Variants in GSR observed in about 807,000 individuals in gnomAD.
GSR encodes glutathione reductase, mitochondrial.
GSR carries 48 observed loss-of-function variants against 56.5 expected under a neutral mutation model. The observed-to-expected ratio is 0.85, with a 90% CI of 0.67 to 1.08. The LOEUF (loss-of-function observed/expected upper bound fraction) is 1.08, where lower values mean the gene tolerates loss of function less well. Ranked by LOEUF, GSR falls within the 50% of genes least tolerant of loss-of-function variation. The pLI is 0.00. For missense variants in GSR, 694 were observed against 703.3 expected (o/e 0.99, Z 0.15); for synonymous variants, 264 against 270.8 (o/e 0.97, Z 0.25).
In GSR at chr8:30,709,906, T is replaced by TTAA; in HGVS notation, c.334-5_334-4insTTA. 8 of 999,694 alleles carry TTAA rather than the reference T, an allele frequency of 8.0e-6. No individual in the cohort carries two copies. The highest frequency in any genetic ancestry group is 2.2e-4 in the Middle Eastern group (1 of 4,606). 61.9% of individuals were successfully genotyped at this position (999,694 alleles called of 1,614,324 possible). A position where few individuals can be genotyped will look rare whatever the true frequency, so the allele number is the denominator to read the frequency against. On this transcript the variant is annotated splice_region_variant and splice_polypyrimidine_tract_variant and intron_variant, in intron 2 of 12. Coordinates refer to ENST00000221130, the MANE Select transcript of GSR (RefSeq NM_000637.5). ...GGACAGCTGTGTTCCACATTACCTG[T>TTAA]AAAAAAAAAAAAAAAAAAGGATCCA... is the stretch of plus-strand genomic sequence containing the variant.
At chr8:30,717,114 G>A (rs933087538) in intron 1 of GSR, among the ~76,000 whole-genome samples, 2 of 152,090 alleles carry the variant, frequency 1.3e-5, no homozygotes, top group African/African-American at 4.8e-5. Flanking sequence ...GCACATGCCT[G>A]TAATCCCAGC....
At chr8:30,707,462 G>A (rs982101314) in intron 4 of GSR, among the ~76,000 whole-genome samples, 15 of 152,134 alleles carry the variant, frequency 9.9e-5, no homozygotes, top group African/African-American at 3.6e-4. Flanking sequence ...GGAGTTTAAA[G>A]ACCAGCCTAG....
chr8:30,688,638 C>G (rs537293394), intron 9 of GSR, among the ~76,000 whole-genome samples: 1 of 149,006 alleles, frequency 6.7e-6, no homozygotes, highest in African/African-American at 2.5e-5. Flanking sequence ...ACGTGGCGGC[C>G]TTTTTCTGGG....
At chr8:30,721,647 C>T (rs778640063) in intron 1 of GSR, among the ~76,000 whole-genome samples, 1 of 111,952 alleles carries the variant, frequency 8.9e-6, no homozygotes, top group African/African-American at 2.7e-5. Flanking sequence ...AGTGAGACTT[C>T]GTGTCAAGAA....
In GSR at chr8:30,718,089, G is replaced by C. The variant is rs188509518; in HGVS notation, c.307-6001C>G. On this transcript the variant is annotated intron_variant, in intron 1 of 12. Coordinates refer to ENST00000221130, the MANE Select transcript of GSR (RefSeq NM_000637.5). ...GCACTCCAGCCTGGGCAACAAGAGT[G>C]AAATTCTGTCTCAAAAAAATAAAAA... 3.3e-4 allele frequency among the ~76,000 whole-genome samples: 49 copies of C among 148,994 alleles called. No homozygotes were observed. The Admixed American group carries it at 3.4e-3, about 10-fold the overall frequency.
chr8:30,694,772 T>A (rs1441930319), intron 7 of GSR, among the ~76,000 whole-genome samples: 1 of 151,756 alleles, frequency 6.6e-6, no homozygotes, highest in Non-Finnish European at 1.5e-5. Context: ...GGTGGCATGT[T>A]CCTGTAGTCC....
In GSR at chr8:30,709,921, A is replaced by AT; in HGVS notation, c.334-20_334-19insA. ...ACATTACCTGTAAAAAAAAAAAAAAAAAAGGATCCAAAACAGCAGTAAATC... is the reference window on the plus strand; with the variant it reads ...ACATTACCTGTAAAAAAAAAAAAAAATAAAGGATCCAAAACAGCAGTAAATC... On this transcript the variant is annotated intron_variant, in intron 2 of 12. Transcript: ENST00000221130. 1.4e-6 allele frequency: 2 copies of AT among 1,400,542 alleles called. No homozygotes were observed. Among genetic ancestry groups the AT allele is most frequent in the African/African-American group, 1.4e-5 (1 of 70,734 alleles). The allele number at this position is 1,400,542 out of a possible 1,614,324, so 86.8% of individuals were successfully genotyped here. A position where few individuals can be genotyped will look rare whatever the true frequency, so the allele number is the denominator to read the frequency against.
At position 30,692,495 on chromosome 8, in the gene GSR, C is replaced by CTTTT. The variant is rs71206280; in HGVS notation, c.882+470_882+473dup. On this transcript the variant is annotated intron_variant, in intron 8 of 12. Transcript: ENST00000221130. ...ACAGGTGTGAGCCACCACACCCAGA[C>CTTTT]TTTTTTTTTTTTTTTTTTTTTTTGA... Among the ~76,000 whole-genome samples the CTTTT allele has an allele frequency of 2.9e-3, 173 of 59,054 alleles. 6 individuals are homozygous for CTTTT. Among genetic ancestry groups the CTTTT allele is most frequent in the Middle Eastern group, 0.026 (1 of 38 alleles). The allele number at this position is 59,054 out of a possible 152,430, so 38.7% of individuals were successfully genotyped here.
At position 30,703,094 on chromosome 8, in the gene GSR, G is replaced by A. The variant is rs200066399; in HGVS notation, c.639C>T (p.Pro213=). ...MPSTPHESQI[P]GASLGITSDG... ...ATGAGTACCTGTTGTATGACTCACC[G>A]GGGATCTGGCTCTCATGAGGGGTGG... Residue 213 remains proline (P), a splice_region_variant and synonymous_variant, in exon 5 of 13, where the codon CCC becomes CCT. Transcript: ENST00000221130. 82 of 1,613,716 alleles carry A rather than the reference G, an allele frequency of 5.1e-5. No individual in the cohort carries two copies. The highest frequency in any genetic ancestry group is 6.3e-5 in the Non-Finnish European group (74 of 1,179,840).
intron 9 of GSR, among the ~76,000 whole-genome samples, chr8:30,686,321 T>C (rs1803159377): frequency 6.6e-6 from 1 of 152,128 alleles, no homozygotes; most frequent in Non-Finnish European, 1.5e-5. Flanking sequence ...ATCACTCAAT[T>C]TGCATTATAT....
At chr8:30,686,013 A>T (rs1198464233) in intron 9 of GSR, among the ~76,000 whole-genome samples, 1 of 143,038 alleles carries the variant, frequency 7.0e-6, no homozygotes, top group Non-Finnish European at 1.5e-5. Flanking sequence ...AAAAAAAAAA[A>T]GAGTACAACC....
intron 10 of GSR, among the ~76,000 whole-genome samples, chr8:30,682,310 C>T (rs1022652171): frequency 2.6e-5 from 4 of 152,150 alleles, no homozygotes; most frequent in African/African-American, 9.7e-5. Context: ...TCCAGAAATT[C>T]AAAATCCAAA....
chr8:30,715,669 T>C (rs557441210), intron 1 of GSR, among the ~76,000 whole-genome samples: 42 of 152,264 alleles, frequency 2.8e-4, no homozygotes, highest in African/African-American at 9.1e-4. Context: ...CAAAAGCAAT[T>C]TTCCCAAAGG....
intron 4 of GSR, among the ~76,000 whole-genome samples, chr8:30,705,549 A>G (rs1048096889): frequency 1.3e-5 from 2 of 152,086 alleles, no homozygotes; most frequent in Non-Finnish European, 2.9e-5. Flanking sequence ...GGTGTGAGCC[A>G]CCGCGCCCGG....
intron 11 of GSR, 73 bp downstream of exon 11, chr8:30,681,857 G>A (rs1802971095): frequency 7.3e-7 from 1 of 1,378,744 alleles, no homozygotes; most frequent in African/African-American, 1.4e-5. Flanking sequence ...AGCTGACAGA[G>A]ACCTAATTTA....
chr8:30,711,419 A>G (rs985438381), intron 2 of GSR, among the ~76,000 whole-genome samples: 2 of 152,232 alleles, frequency 1.3e-5, no homozygotes, highest in African/African-American at 4.8e-5. Flanking sequence ...TAACAACGAA[A>G]AAATCACTAA....
intron 8 of GSR, among the ~76,000 whole-genome samples, chr8:30,692,130 A>T (rs1312599605): frequency 6.7e-6 from 1 of 149,366 alleles, no homozygotes; most frequent in Non-Finnish European, 1.5e-5. Flanking sequence ...ATCAAAGTTC[A>T]TCTAAATTCA....
At chr8:30,712,427 A>T (rs536580999) in intron 1 of GSR, among the ~76,000 whole-genome samples, 15 of 152,282 alleles carry the variant, frequency 9.9e-5, no homozygotes, top group African/African-American at 3.6e-4. Context: ...CACACCTGTA[A>T]TTCCAGCACT....
intron 9 of GSR, among the ~76,000 whole-genome samples, chr8:30,688,221 A>C (rs181546047): frequency 1.3e-5 from 2 of 152,344 alleles, no homozygotes; most frequent in African/African-American, 4.8e-5. Context: ...ATAGGACTTG[A>C]AAGAGACATT....
Sources: gnomAD v4.1 joint callset for allele counts (sites outside exome capture counted in the v4.1 genomes callset) on GRCh38, gnomAD v4.1.1 for gene constraint, MANE v1.5 for transcripts, NCBI Gene and HGNC (gene_info 2026-07-23, HGNC 2026-07-21) for gene names.